The following SULF2 variants were observed in gnomAD, a reference collection of about 807,000 sequenced individuals.
SULF2 encodes extracellular sulfatase Sulf-2.
SULF2 carries 52 observed loss-of-function variants against 107.7 expected under a neutral mutation model. The observed-to-expected ratio is 0.48, with a 90% CI of 0.39 to 0.61. The LOEUF is 0.61. Ranked by LOEUF, SULF2 falls within the 20% of genes least tolerant of loss-of-function variation. The pLI, the probability that SULF2 is intolerant of heterozygous loss-of-function variation, is 0.00. For missense variants in SULF2, 993 were observed against 1,177.3 expected (o/e 0.84, Z 2.29); for synonymous variants, 460 against 464.3 (o/e 0.99, Z 0.12).
chr20:47,707,319 C>T (rs914955265), intron 3 of SULF2, among the ~76,000 whole-genome samples: 1 of 152,028 alleles, frequency 6.6e-6, no homozygotes, highest in East Asian at 1.9e-4. Flanking sequence ...TCTTTTTTCT[C>T]CATTTTCCCC....
chr20:47,697,829 C>T (rs899649698), intron 4 of SULF2, among the ~76,000 whole-genome samples: 34 of 152,344 alleles, frequency 2.2e-4, no homozygotes, highest in African/African-American at 8.2e-4. Context: ...GATTATCGGG[C>T]TGCTCTGAGA....
At chr20:47,734,701 T>A (rs2089689220) in intron 3 of SULF2, among the ~76,000 whole-genome samples, 1 of 152,194 alleles carries the variant, frequency 6.6e-6, no homozygotes, top group Non-Finnish European at 1.5e-5. Flanking sequence ...ATGGGATTCT[T>A]TGTACAGAGT....
chr20:47,770,697 C>T (rs1035718554), intron 1 of SULF2, among the ~76,000 whole-genome samples: 4 of 152,198 alleles, frequency 2.6e-5, no homozygotes, highest in Non-Finnish European at 5.9e-5. Flanking sequence ...CGTCTGAGGC[C>T]ACTGCTGAGA....
intron 2 of SULF2, among the ~76,000 whole-genome samples, chr20:47,752,411 T>A (rs961795677): frequency 1.3e-5 from 2 of 152,070 alleles, no homozygotes; most frequent in African/African-American, 4.8e-5. Flanking sequence ...CCCTTGCAAC[T>A]TTACTCGGAG....
At chr20:47,670,278 C>G (rs1952247122) in intron 11 of SULF2, among the ~76,000 whole-genome samples, 1 of 152,076 alleles carries the variant, frequency 6.6e-6, no homozygotes, top group South Asian at 2.1e-4. Flanking sequence ...CTGCAACCTC[C>G]CGCTCCCAGG....
At chr20:47,676,812 T>C (rs892643924) in intron 9 of SULF2, 189 bp from the exon 10 acceptor site, 21 of 705,866 alleles carry the variant, frequency 3.0e-5, no homozygotes, top group Non-Finnish European at 4.6e-5. Flanking sequence ...ATAAGAAACT[T>C]CCCAAATTGC....
rs115576587 is a variant in SULF2, at chr20:47,782,312, T to C, written c.-101+3031A>G. 5.9e-3 allele frequency among the ~76,000 whole-genome samples: 901 copies of C among 152,280 alleles called. 13 individuals are homozygous for C. Among genetic ancestry groups the C allele is most frequent in the African/African-American group, 0.02 (849 of 41,558 alleles). On this transcript the variant is annotated intron_variant, in intron 1 of 20. Transcript: ENST00000688720. ...CTCGTTCCCTAGCAACCACCCCAAT[T>C]AGGCAACCATGCCATTTATCGGGAT...
intron 9 of SULF2, 31 bp from the exon 10 acceptor site, chr20:47,676,654 C>T (rs901913537): frequency 2.3e-5 from 35 of 1,547,018 alleles, no homozygotes; most frequent in Admixed American, 7.8e-5. Flanking sequence ...GCCGCGGGGC[C>T]GGCCTCTCAG....
intron 7 of SULF2, among the ~76,000 whole-genome samples, chr20:47,682,296 C>T (rs1295228961): frequency 3.3e-5 from 5 of 152,218 alleles, no homozygotes; most frequent in Admixed American, 6.5e-5. Flanking sequence ...TGTGTTCCCA[C>T]ATCTGGGCAT....
intron 1 of SULF2, among the ~76,000 whole-genome samples, chr20:47,769,047 AT>A (rs3092113): frequency 0.96 from 143,204 of 148,986 alleles, 68,857 homozygotes; most frequent in East Asian, 1. Context: ...TGCCTGCCTC[AT>A]TTTTTTTTTG....
At chr20:47,785,641 A>G (rs189227769), upstream of SULF2, among the ~76,000 whole-genome samples, 145,928 of 145,940 alleles carry the variant, frequency 1, 72,958 homozygotes, top group Middle Eastern at 1. Context: ...CCGGCCGGCC[A>G]CGCTGCCCCA....
intron 11 of SULF2, among the ~76,000 whole-genome samples, chr20:47,669,360 CTT>C (rs572928507): frequency 7.5e-4 from 114 of 152,304 alleles, no homozygotes; most frequent in African/African-American, 2.7e-3. Context: ...ACTGCGGACA[CTT>C]TGGGGTCAGA....
intron 2 of SULF2, among the ~76,000 whole-genome samples, chr20:47,738,254 T>C (rs1600615531): frequency 6.6e-6 from 1 of 152,182 alleles, no homozygotes; most frequent in African/African-American, 2.4e-5. Flanking sequence ...TCAACATAGG[T>C]GTGACGAGTG....
At chr20:47,659,625 C>T (rs2087001167) in intron 19 of SULF2, 72 bp downstream of exon 19, 2 of 1,447,476 alleles carry the variant, frequency 1.4e-6, no homozygotes, top group African/African-American at 1.4e-5. Flanking sequence ...GGTGCAGACT[C>T]ACAGAGATGA....
At chr20:47,748,459 T>C (rs1262079652) in intron 2 of SULF2, among the ~76,000 whole-genome samples, 1 of 152,244 alleles carries the variant, frequency 6.6e-6, no homozygotes, top group Non-Finnish European at 1.5e-5. Context: ...CAAATATCTC[T>C]TTCTCCTTCT....
chr20:47,721,286 G>A (rs959244279), intron 3 of SULF2, among the ~76,000 whole-genome samples: 2 of 152,138 alleles, frequency 1.3e-5, no homozygotes, highest in Non-Finnish European at 1.5e-5. Flanking sequence ...GATTCCGCAC[G>A]AAAGAGGCAT....
intron 3 of SULF2, among the ~76,000 whole-genome samples, chr20:47,704,706 C>T (rs940170659): frequency 6.6e-6 from 1 of 152,206 alleles, no homozygotes; most frequent in Non-Finnish European, 1.5e-5. Flanking sequence ...AAATTTCTGA[C>T]GAGTATTGCT....
At position 47,664,209 on chromosome 20, in the gene SULF2, C is replaced by A; in HGVS notation, c.1998-20G>T. 1 of 1,607,088 alleles carries A rather than the reference C, an allele frequency of 6.2e-7. No individual in the cohort carries two copies. On this transcript the variant is annotated intron_variant, in intron 14 of 20. Transcript: ENST00000688720. ...TGGTAGCTGTAACAGACCCCCCCAG[C>A]CCCAGGCTTCAGGAGTGGCTCAGAG... is the stretch of plus-strand genomic sequence containing the variant.
At chr20:47,692,059 C>T (rs1449818593) in intron 4 of SULF2, among the ~76,000 whole-genome samples, 1 of 152,162 alleles carries the variant, frequency 6.6e-6, no homozygotes, top group Admixed American at 6.5e-5. Flanking sequence ...AGCCACAGCA[C>T]CCATACAACT....
Sources: gnomAD v4.1 joint callset for allele counts (sites outside exome capture counted in the v4.1 genomes callset) on GRCh38, gnomAD v4.1.1 for gene constraint, MANE v1.5 for transcripts, NCBI Gene and HGNC (gene_info 2026-07-23, HGNC 2026-07-21) for gene names.